Variants in ANK3 observed in about 807,000 individuals in gnomAD.
The protein encoded by ANK3 is ankyrin-3.
In ANK3, 57 loss-of-function variants were observed where a neutral mutation model predicts 370.9. That is an observed-to-expected ratio of 0.15 (90% CI 0.12 to 0.19). The LOEUF (loss-of-function observed/expected upper bound fraction) is 0.19. ANK3 is among the 10% of genes least tolerant of loss of function. The pLI is 1.00. For missense variants in ANK3, 4,439 were observed against 5,302.1 expected (o/e 0.84, Z 5.06); for synonymous variants, 1,929 against 1,946.3 (o/e 0.99, Z 0.23).
chr10:60,250,933 C>T (rs1021113357), intron 7 of ANK3, among the ~76,000 whole-genome samples: 2 of 152,180 alleles, frequency 1.3e-5, no homozygotes, highest in African/African-American at 2.4e-5. Context: ...TATTGGATTA[C>T]GTCAAAGCCC....
chr10:60,118,458 C>T (rs368947381), intron 25 of ANK3, among the ~76,000 whole-genome samples: 16 of 152,208 alleles, frequency 1.1e-4, no homozygotes, highest in Admixed American at 3.9e-4. Flanking sequence ...TAAGAATCTA[C>T]GGAACCAAGA....
At chr10:60,306,095 T>G (rs2045003932) in intron 1 of ANK3, among the ~76,000 whole-genome samples, 1 of 152,012 alleles carries the variant, frequency 6.6e-6, no homozygotes, top group African/African-American at 2.4e-5. Flanking sequence ...GTAAAGGTGG[T>G]TTTTGGTTAC....
At chr10:60,106,141 A>G in intron 27 of ANK3, 82 bp from the exon 28 acceptor site, 3 of 1,291,628 alleles carry the variant, frequency 2.3e-6, no homozygotes, top group East Asian at 5.4e-5. Context: ...CGTTAACAGT[A>G]TTCATTTGAA....
Position 60,072,990 on chromosome 10 carries a change from GGCT to G in ANK3, c.7888_7890del (p.Ser2630del). The G allele has an allele frequency of 1.2e-6, 2 of 1,614,034 alleles. No homozygotes were observed. Among genetic ancestry groups the G allele is most frequent in the Non-Finnish European group, 1.7e-6 (2 of 1,180,000 alleles). ...AGTTCTGTCAGTAGCACTTTCTCAG[GGCT>G]GCTACTGGTAGGGCTTTGAGAAGAA... is the stretch of plus-strand genomic sequence containing the variant. On this transcript the variant is annotated inframe_deletion, in exon 37 of 44. Coordinates refer to ENST00000280772, the MANE Select transcript of ANK3 (RefSeq NM_020987.5).
intron 10 of ANK3, among the ~76,000 whole-genome samples, chr10:60,206,801 T>C (rs1445947625): frequency 6.6e-6 from 1 of 152,226 alleles, no homozygotes; most frequent in Admixed American, 6.5e-5. Flanking sequence ...ATTGAGACTG[T>C]GGCACGTATT....
At chr10:60,157,604 C>G (rs192396187) in intron 23 of ANK3, among the ~76,000 whole-genome samples, 1 of 151,746 alleles carries the variant, frequency 6.6e-6, no homozygotes, top group Non-Finnish European at 1.5e-5. Context: ...ATAAATTTAA[C>G]AGAGATTAAA....
intron 2 of ANK3, among the ~76,000 whole-genome samples, chr10:60,485,685 G>A (rs1407197479): frequency 1.3e-5 from 2 of 152,172 alleles, no homozygotes; most frequent in Non-Finnish European, 2.9e-5. Flanking sequence ...AATTAGGTGT[G>A]GGCATTGTTG....
intron 10 of ANK3, among the ~76,000 whole-genome samples, chr10:60,207,442 G>T (rs1000129175): frequency 6.6e-6 from 1 of 152,060 alleles, no homozygotes. Flanking sequence ...ACTAATTTGG[G>T]ACCATTTATT....
At chr10:60,120,312 T>A (rs912404377) in intron 25 of ANK3, among the ~76,000 whole-genome samples, 1 of 151,796 alleles carries the variant, frequency 6.6e-6, no homozygotes, top group African/African-American at 2.4e-5. Flanking sequence ...AAAAATCAAA[T>A]CAAAATGAAT....
chr10:60,061,655 T>A (rs953207647), intron 40 of ANK3, among the ~76,000 whole-genome samples: 1 of 152,096 alleles, frequency 6.6e-6, no homozygotes, highest in Non-Finnish European at 1.5e-5. Context: ...TTTATAAACT[T>A]AAAAAGAACC....
chr10:60,538,621 CTAGGCCAGATATG>C (rs1446023226), intron 2 of ANK3, among the ~76,000 whole-genome samples: 3 of 151,900 alleles, frequency 2.0e-5, no homozygotes, highest in Non-Finnish European at 4.4e-5. Flanking sequence ...CCACTCGACA[CTAGGCCAGATATG>C]TAGAAAGAAT....
At chr10:60,049,647 A>G (rs2077564444) in intron 42 of ANK3, among the ~76,000 whole-genome samples, 1 of 152,172 alleles carries the variant, frequency 6.6e-6, no homozygotes, top group South Asian at 2.1e-4. Flanking sequence ...ACAACATTAT[A>G]GTGGATTTTT....
intron 2 of ANK3, among the ~76,000 whole-genome samples, chr10:60,604,827 T>C (rs933679237): frequency 2.6e-5 from 4 of 152,120 alleles, no homozygotes; most frequent in Non-Finnish European, 4.4e-5. Flanking sequence ...CCAACACTCA[T>C]AGATAGTGTG....
chr10:60,424,713 G>A lies in ANK3; in HGVS notation c.97-145074C>T, dbSNP rs10994340. On this transcript the variant is annotated intron_variant, in intron 2 of 43. Transcript: ENST00000373827. Reference sequence around the variant, plus strand: ...TTCTGAGCCTTGGGAAAGATAGTGAGTTGCTCTGAAAATGATTTTTATCAC... The same window carrying A: ...TTCTGAGCCTTGGGAAAGATAGTGAATTGCTCTGAAAATGATTTTTATCAC... Among the ~76,000 whole-genome samples the A allele has an allele frequency of 1.4e-3, 207 of 152,184 alleles. 1 individual carries two copies. In the East Asian group the frequency reaches 0.033, roughly 24 times the overall value.
chr10:60,582,383 A>G (rs111461145), intron 2 of ANK3, among the ~76,000 whole-genome samples: 2,574 of 152,236 alleles, frequency 0.017, 45 homozygotes, highest in Non-Finnish European at 0.025. Context: ...TGAAGTTCCA[A>G]TTGTTTCCTG....
intron 4 of ANK3, among the ~76,000 whole-genome samples, chr10:60,274,373 T>A: frequency 6.6e-6 from 1 of 152,136 alleles, no homozygotes; most frequent in Admixed American, 6.5e-5. Flanking sequence ...TGCATGGGTG[T>A]TTGTTTTATT....
chr10:60,065,646 T>G (rs955423814), intron 38 of ANK3, among the ~76,000 whole-genome samples: 2 of 152,230 alleles, frequency 1.3e-5, no homozygotes, highest in African/African-American at 4.8e-5. Context: ...GGCAGTGGCT[T>G]GCAAACAACT....
At chr10:60,107,020 A>G (rs1053869479) in intron 27 of ANK3, among the ~76,000 whole-genome samples, 1 of 152,198 alleles carries the variant, frequency 6.6e-6, no homozygotes, top group Non-Finnish European at 1.5e-5. Flanking sequence ...GGCTTAAGTA[A>G]GTAAGAGCAG....
chr10:60,373,032 T>C (rs1050528123), intron 1 of ANK3, among the ~76,000 whole-genome samples: 6 of 152,216 alleles, frequency 3.9e-5, no homozygotes, highest in Admixed American at 3.9e-4. Context: ...TGAAATCATG[T>C]TTGTCATCTC....
Sources: gnomAD v4.1 joint callset for allele counts (sites outside exome capture counted in the v4.1 genomes callset) on GRCh38, gnomAD v4.1.1 for gene constraint, MANE v1.5 for transcripts, NCBI Gene and HGNC (gene_info 2026-07-23, HGNC 2026-07-21) for gene names.